The following DTX4 variants were observed in gnomAD, a reference collection of about 807,000 sequenced individuals.
DTX4 encodes E3 ubiquitin-protein ligase DTX4.
In DTX4, 28 loss-of-function variants were observed where a neutral mutation model predicts 57.6. That is an observed-to-expected ratio of 0.49 (90% CI 0.36 to 0.67). DTX4 has a LOEUF of 0.67. Among genes scored for constraint, DTX4 ranks in the 30% least tolerant of loss-of-function variants. The pLI, the probability that DTX4 is intolerant of heterozygous loss-of-function variation, is 0.00. For missense variants in DTX4, 715 were observed against 836.8 expected (o/e 0.85, Z 1.80); for synonymous variants, 316 against 331.0 (o/e 0.95, Z 0.49).
intron 8 of DTX4, among the ~76,000 whole-genome samples, chr11:59,203,384 CTT>C (rs35395150): frequency 1.4e-5 from 2 of 144,888 alleles, no homozygotes; most frequent in Admixed American, 6.9e-5. Context: ...TTTTTAAAAA[CTT>C]TTTTTTTTTT....
Position 59,189,151 on chromosome 11 carries a change from G to A in DTX4, c.998-11G>A. 1.2e-6 allele frequency: 2 copies of A among 1,612,816 alleles called. No homozygotes were observed. The highest frequency in any genetic ancestry group is 8.5e-7 in the Non-Finnish European group (1 of 1,179,756). ...TCCAGTCTTTCCTCACCCATGCCCTGCCCCTTCCAGGAATCACTGGGATCC... is the reference window on the plus strand; with the variant it reads ...TCCAGTCTTTCCTCACCCATGCCCTACCCCTTCCAGGAATCACTGGGATCC... On this transcript the variant is annotated splice_polypyrimidine_tract_variant and intron_variant, in intron 3 of 8. Coordinates refer to ENST00000227451, the MANE Select transcript of DTX4 (RefSeq NM_015177.2).
chr11:59,181,906 A>G lies in DTX4; in HGVS notation c.379A>G (p.Thr127Ala). Residue 127 changes from threonine (T) to alanine (A), a missense_variant, in exon 2 of 9, where the codon ACT (threonine) becomes GCT (alanine). Transcript: ENST00000227451. ...YEKQHPWIDLTSIGFSYVIDF... is the reference protein window; with the variant it reads ...YEKQHPWIDLASIGFSYVIDF... ...GAAGCAGCACCCCTGGATCGACCTC[A>G]CTTCCATTGGCTTTAGCTACGTAAT... 6.2e-7 allele frequency: 1 copy of G among 1,613,910 alleles called. No homozygotes were observed. Among genetic ancestry groups the G allele is most frequent in the African/African-American group, 1.3e-5 (1 of 75,016 alleles).
At chr11:59,171,493 G>A (rs1267900819), upstream of DTX4, 2 of 152,206 alleles carry the variant, frequency 1.3e-5, no homozygotes, top group Non-Finnish European at 2.9e-5. Flanking sequence ...CTCTACGTAG[G>A]TAATATAAAT....
rs73476933 is a variant in DTX4 at position 59,172,213 on chromosome 11, T to C, written c.-383T>C. ...GCAACTGGTGCGAGGGCTGGGTCCT[T>C]GCCTCGCCGTCAGCCCCAGCTCGCG... On this transcript the variant is annotated 5_prime_UTR_variant, in exon 1 of 9. Coordinates refer to ENST00000227451, the MANE Select transcript of DTX4 (RefSeq NM_015177.2). 0.22 allele frequency among the ~76,000 whole-genome samples: 33,828 copies of C among 151,856 alleles called. 3,972 individuals carry two copies. Among genetic ancestry groups the C allele is most frequent in the South Asian group, 0.34 (1,618 of 4,812 alleles).
In DTX4 at chr11:59,181,842, C is replaced by T. The variant is rs376164008; in HGVS notation, c.315C>T (p.Tyr105=). The T allele has an allele frequency of 1.6e-5, 26 of 1,613,844 alleles. No homozygotes were observed. Among genetic ancestry groups the T allele is most frequent in the East Asian group, 2.2e-5 (1 of 44,894 alleles). ...WENDNGSWTP[Y]DMEVGITIQH... is the part of the protein sequence containing the mutation. ...ACGACAATGGCTCCTGGACGCCCTA[C>T]GACATGGAAGTGGGCATCACCATCC... Residue 105 remains tyrosine (Y), a synonymous_variant, in exon 2 of 9, where the codon TAC becomes TAT. Transcript: ENST00000227451.
chr11:59,191,092 A>G (rs1862591836), intron 4 of DTX4, 22 bp from the exon 5 acceptor site: 2 of 1,561,758 alleles, frequency 1.3e-6, no homozygotes, highest in Non-Finnish European at 1.7e-6. Context: ...TTGGTGGCCC[A>G]CTGAACCTCC....
intron 1 of DTX4, 104 bp downstream of exon 1, chr11:59,172,910 C>T: frequency 1.2e-6 from 1 of 845,302 alleles, no homozygotes; most frequent in Non-Finnish European, 1.8e-6. Context: ...GTCGGCACTT[C>T]TGTGCAGCAG....
chr11:59,200,329 G>A (rs748552545), intron 8 of DTX4, among the ~76,000 whole-genome samples: 3 of 152,160 alleles, frequency 2.0e-5, no homozygotes, highest in Non-Finnish European at 2.9e-5. Context: ...ATGAGGTTTG[G>A]GTGGGGACAC....
At chr11:59,174,010 G>C (rs1862363346) in intron 1 of DTX4, among the ~76,000 whole-genome samples, 1 of 152,178 alleles carries the variant, frequency 6.6e-6, no homozygotes, top group Admixed American at 6.5e-5. Context: ...GCCCTCCCCA[G>C]TGAACAGCTG....
At chr11:59,198,927 G>T (rs1272771953) in intron 7 of DTX4, among the ~76,000 whole-genome samples, 1 of 152,202 alleles carries the variant, frequency 6.6e-6, no homozygotes, top group Non-Finnish European at 1.5e-5. Flanking sequence ...TCTGGGCACT[G>T]ATTAGGAAAC....
In DTX4 at chr11:59,172,316, G is replaced by T. The variant is rs923769612; in HGVS notation, c.-280G>T. On this transcript the variant is annotated 5_prime_UTR_variant, in exon 1 of 9. Transcript: ENST00000227451. ...CCTGTTTGCAGAGAGCCGGGCATTT[G>T]CATGAAGCGACTCGACCCCACAGAG... Among the ~76,000 whole-genome samples the T allele has an allele frequency of 6.6e-6, 1 of 151,890 alleles. No homozygotes were observed. Among genetic ancestry groups the T allele is most frequent in the African/African-American group, 2.4e-5 (1 of 41,394 alleles).
At chr11:59,185,950 A>G (rs1044361719) in intron 2 of DTX4, among the ~76,000 whole-genome samples, 4 of 152,170 alleles carry the variant, frequency 2.6e-5, no homozygotes, top group African/African-American at 9.7e-5. Context: ...AACAGAACGC[A>G]GAGAGGCTGT....
At chr11:59,173,033 C>T (rs569080503) in intron 1 of DTX4, among the ~76,000 whole-genome samples, 22 of 152,294 alleles carry the variant, frequency 1.4e-4, no homozygotes, top group African/African-American at 5.3e-4. Context: ...TTTGCAAACC[C>T]AGCTTCAACC....
intron 1 of DTX4, among the ~76,000 whole-genome samples, chr11:59,178,429 C>T (rs1445065128): frequency 6.6e-6 from 1 of 152,174 alleles, no homozygotes; most frequent in East Asian, 1.9e-4. Context: ...GTCTTCTAAC[C>T]CTGTTTCAGA....
intron 2 of DTX4, among the ~76,000 whole-genome samples, chr11:59,187,721 G>T (rs369475914): frequency 1.3e-5 from 2 of 152,162 alleles, no homozygotes; most frequent in South Asian, 4.1e-4. Context: ...AGAGGATGGC[G>T]CAAGACCCAG....
chr11:59,191,320 T>C, intron 5 of DTX4, 145 bp downstream of exon 5: 1 of 776,388 alleles, frequency 1.3e-6, no homozygotes, highest in Non-Finnish European at 2.0e-6. Context: ...ACACTGAGGG[T>C]TCAAGGTCCA....
At chr11:59,194,169 A>G (rs1862634008) in intron 6 of DTX4, among the ~76,000 whole-genome samples, 1 of 152,184 alleles carries the variant, frequency 6.6e-6, no homozygotes, top group Non-Finnish European at 1.5e-5. Flanking sequence ...CCACACCCTG[A>G]CAAGCAGGAA....
Position 59,192,080 on chromosome 11 carries a change from T to C in DTX4, c.1222-18T>C. 1 of 1,605,954 alleles carries C rather than the reference T, an allele frequency of 6.2e-7. No individual in the cohort carries two copies. Among genetic ancestry groups the C allele is most frequent in the Non-Finnish European group, 8.5e-7 (1 of 1,174,380 alleles). On this transcript the variant is annotated intron_variant, in intron 5 of 8. Transcript: ENST00000227451. Reference sequence around the variant, plus strand: ...GTGAGAGCTGACAGCCTCTCTGCTGTGTCTCCTCCCTCCCCAGGACTGCAC... The same window carrying C: ...GTGAGAGCTGACAGCCTCTCTGCTGCGTCTCCTCCCTCCCCAGGACTGCAC...
In DTX4 at chr11:59,192,107, A is replaced by G; in HGVS notation, c.1231A>G (p.Ile411Val). Residue 411 changes from isoleucine (I) to valine (V), a missense_variant, in exon 6 of 9, where the codon ATC (isoleucine) becomes GTC (valine). By Grantham distance (29) the Ile-to-Val change is conservative. Coordinates refer to ENST00000227451, the MANE Select transcript of DTX4 (RefSeq NM_015177.2). Reference protein sequence around the residue: ...VRHPPDEDCTICMERLTAPSG... With the variant: ...VRHPPDEDCTVCMERLTAPSG... ...TCTCCTCCCTCCCCAGGACTGCACC[A>G]TCTGTATGGAACGCCTCACGGCCCC... 3 of 1,613,364 alleles carry G rather than the reference A, an allele frequency of 1.9e-6. No homozygotes were observed. The highest frequency in any genetic ancestry group is 2.5e-6 in the Non-Finnish European group (3 of 1,179,860).
Sources: gnomAD v4.1 joint callset for allele counts (sites outside exome capture counted in the v4.1 genomes callset) on GRCh38, gnomAD v4.1.1 for gene constraint, MANE v1.5 for transcripts, NCBI Gene and HGNC (gene_info 2026-07-23, HGNC 2026-07-21) for gene names.